Variants in SPAG16 observed in about 807,000 individuals in gnomAD.
The protein encoded by SPAG16 is sperm-associated antigen 16 protein.
SPAG16 carries 86 observed loss-of-function variants against 80.4 expected under a neutral mutation model. That is an observed-to-expected ratio of 1.07 (90% CI 0.90 to 1.28). The LOEUF is 1.28. Ranked by LOEUF, SPAG16 falls within the 50% of genes most tolerant of loss-of-function variation. The pLI, the probability that SPAG16 is intolerant of heterozygous loss-of-function variation, is 0.00. For synonymous variants in SPAG16, 294 were observed against 265.9 expected, an observed-to-expected ratio of 1.11 and a Z score of -1.03; for missense variants, 870 against 765.3, an observed-to-expected ratio of 1.14 and a Z score of -1.61.
intron 10 of SPAG16, among the ~76,000 whole-genome samples, chr2:213,538,691 C>T (rs759188103): frequency 9.2e-5 from 14 of 152,044 alleles, no homozygotes; most frequent in Non-Finnish European, 1.5e-4. Context: ...ATAGCTTTAA[C>T]ATTGATTTAG....
At chr2:214,273,903 C>T (rs1040089118) in intron 15 of SPAG16, among the ~76,000 whole-genome samples, 2 of 152,136 alleles carry the variant, frequency 1.3e-5, no homozygotes, top group South Asian at 2.1e-4. Context: ...GCCATTTTCA[C>T]GATATTGATT....
intron 11 of SPAG16, among the ~76,000 whole-genome samples, chr2:213,911,764 A>G (rs368417780): frequency 4.7e-5 from 7 of 149,126 alleles, no homozygotes; most frequent in Admixed American, 4.1e-4. Context: ...GCCTCCATGT[A>G]TTGATGAAAT....
At chr2:214,193,433 G>GTGTGT (rs1190679574) in intron 15 of SPAG16, among the ~76,000 whole-genome samples, 3 of 126,576 alleles carry the variant, frequency 2.4e-5, no homozygotes, top group Non-Finnish European at 3.6e-5. Context: ...GTATGAGAGA[G>GTGTGT]AGAGAGAGAG....
intron 14 of SPAG16, among the ~76,000 whole-genome samples, chr2:214,138,987 A>C (rs2125528009): frequency 6.6e-6 from 1 of 152,276 alleles, no homozygotes; most frequent in South Asian, 2.1e-4. Context: ...AACCAAGCTA[A>C]GTGGATCTAC....
At chr2:213,345,784 C>G (rs2125004724) in intron 6 of SPAG16, among the ~76,000 whole-genome samples, 1 of 151,982 alleles carries the variant, frequency 6.6e-6, no homozygotes, top group East Asian at 1.9e-4. Flanking sequence ...GTTACTGTAG[C>G]CTTGTAGTGT....
At position 214,294,209 on chromosome 2, in the gene SPAG16, C is replaced by T. The variant is rs74805456; in HGVS notation, c.1721-115931C>T. The stretch of plus-strand genomic sequence containing the variant: ...AGCTCCCTATGTTAGTTTCTAGGCT[C>T]GTGGGTGCCGAGGGGCTTGCTCTTG... On this transcript the variant is annotated intron_variant, in intron 15 of 15. Coordinates refer to ENST00000331683, the MANE Select transcript of SPAG16 (RefSeq NM_024532.5). Among the ~76,000 whole-genome samples, 139 of 152,270 alleles carry T rather than the reference C, an allele frequency of 9.1e-4. 4 individuals carry two copies. The East Asian group carries it at 0.024, about 26-fold the overall frequency.
intron 13 of SPAG16, among the ~76,000 whole-genome samples, chr2:214,055,567 G>A (rs1272143489): frequency 6.6e-6 from 1 of 152,036 alleles, no homozygotes; most frequent in African/African-American, 2.4e-5. Flanking sequence ...CTGTTACAGA[G>A]GGAGCATGTC....
chr2:213,372,999 AGT>A (rs1316443059), intron 8 of SPAG16, among the ~76,000 whole-genome samples: 1 of 152,176 alleles, frequency 6.6e-6, no homozygotes, highest in Non-Finnish European at 1.5e-5. Flanking sequence ...TATAAATGAA[AGT>A]GTGTTTGTTT....
At chr2:213,743,854 T>C (rs893832576) in intron 10 of SPAG16, among the ~76,000 whole-genome samples, 1 of 152,248 alleles carries the variant, frequency 6.6e-6, no homozygotes, top group Non-Finnish European at 1.5e-5. Context: ...ACTGTTCTCC[T>C]TTTAAACTTT....
At chr2:214,183,710 A>T (rs1021415176) in intron 15 of SPAG16, among the ~76,000 whole-genome samples, 1 of 151,920 alleles carries the variant, frequency 6.6e-6, no homozygotes, top group Non-Finnish European at 1.5e-5. Context: ...CAGCTTAGAA[A>T]CCTGTCCTGG....
chr2:214,172,270 A>G (rs2056897276), intron 15 of SPAG16, among the ~76,000 whole-genome samples: 1 of 151,828 alleles, frequency 6.6e-6, no homozygotes, highest in East Asian at 1.9e-4. Flanking sequence ...AACAGTCCCC[A>G]GAGTGTGATG....
At chr2:214,110,054 A>T (rs2053585826) in intron 14 of SPAG16, among the ~76,000 whole-genome samples, 1 of 152,228 alleles carries the variant, frequency 6.6e-6, no homozygotes, top group African/African-American at 2.4e-5. Context: ...TTGAATTAGC[A>T]ATCAAGAGAG....
chr2:213,686,173 C>T (rs189557428), intron 10 of SPAG16, among the ~76,000 whole-genome samples: 7 of 152,284 alleles, frequency 4.6e-5, no homozygotes, highest in Admixed American at 4.6e-4. Flanking sequence ...GCCTAGAGTG[C>T]AGTGGTGCGA....
At chr2:213,617,417 C>T (rs1237807546) in intron 10 of SPAG16, among the ~76,000 whole-genome samples, 3 of 152,170 alleles carry the variant, frequency 2.0e-5, no homozygotes, top group Non-Finnish European at 4.4e-5. Flanking sequence ...TCTCAGCTCA[C>T]TGCAACCTCT....
At chr2:213,799,450 T>C (rs1452221839) in intron 10 of SPAG16, among the ~76,000 whole-genome samples, 1 of 152,164 alleles carries the variant, frequency 6.6e-6, no homozygotes, top group African/African-American at 2.4e-5. Flanking sequence ...TCAAATATTT[T>C]ATGAGAGTTT....
At chr2:213,841,281 T>C (rs1455851741) in intron 10 of SPAG16, among the ~76,000 whole-genome samples, 1 of 152,172 alleles carries the variant, frequency 6.6e-6, no homozygotes, top group African/African-American at 2.4e-5. Context: ...GCAAGATCAT[T>C]TTTTCACTTG....
intron 10 of SPAG16, among the ~76,000 whole-genome samples, chr2:213,729,683 T>G (rs528025236): frequency 1.3e-5 from 2 of 152,332 alleles, no homozygotes; most frequent in East Asian, 3.9e-4. Context: ...TAATGTAAAG[T>G]TGTCTAGGGA....
At chr2:214,029,714 C>T (rs553873900) in intron 13 of SPAG16, among the ~76,000 whole-genome samples, 15 of 152,224 alleles carry the variant, frequency 9.9e-5, no homozygotes, top group African/African-American at 3.6e-4. Context: ...ATGCCTTTCC[C>T]TACTAATTCA....
chr2:213,996,431 G>T (rs1202126244), intron 12 of SPAG16, among the ~76,000 whole-genome samples: 1 of 152,054 alleles, frequency 6.6e-6, no homozygotes, highest in Non-Finnish European at 1.5e-5. Flanking sequence ...GTAAAATCAG[G>T]ACTGTCAGGA....
Sources: allele counts gnomAD v4.1 joint callset (sites outside exome capture counted in the v4.1 genomes callset), GRCh38; gene constraint gnomAD v4.1.1; transcripts MANE v1.5; gene names NCBI Gene and HGNC (gene_info 2026-07-23, HGNC 2026-07-21).